Variants in RMND5A observed in about 807,000 individuals in gnomAD.
RMND5A encodes the protein E3 ubiquitin-protein transferase RMND5A.
RMND5A carries 17 observed loss-of-function variants against 49.7 expected under a neutral mutation model. The ratio of observed to expected loss-of-function variants is 0.34; its 90% CI spans 0.23 to 0.51. The LOEUF is 0.51. RMND5A is among the 20% of genes least tolerant of loss of function. RMND5A has a pLI of 0.96. For synonymous variants in RMND5A, 156 were observed against 167.7 expected, an observed-to-expected ratio of 0.93 and a Z score of 0.54; for missense variants, 255 against 471.3, an observed-to-expected ratio of 0.54 and a Z score of 4.25.
chr2:86,769,984 C>T (rs939390068), intron 6 of RMND5A, 39 bp from the exon 7 acceptor site: 10 of 1,493,142 alleles, frequency 6.7e-6, no homozygotes, highest in Non-Finnish European at 9.3e-6. Flanking sequence ...CGGCCTGACC[C>T]CTGGCCTGGC....
intron 4 of RMND5A, among the ~76,000 whole-genome samples, chr2:86,763,928 T>C (rs1672548168): frequency 6.6e-6 from 1 of 152,220 alleles, no homozygotes; most frequent in Non-Finnish European, 1.5e-5. Context: ...TAAAAATCAC[T>C]TTGACTTTGA....
chr2:86,774,636 G>A lies in RMND5A; in HGVS notation c.*1225G>A, dbSNP rs182567565. The A allele has an allele frequency of 6.5e-6, 1 of 152,686 alleles. No individual in the cohort carries two copies. Among genetic ancestry groups the A allele is most frequent in the Non-Finnish European group, 1.5e-5 (1 of 68,038 alleles). 9.5% of individuals were successfully genotyped at this position (152,686 alleles called of 1,614,324 possible). On this transcript the variant is annotated 3_prime_UTR_variant, in exon 9 of 9. Transcript: ENST00000283632. ...CGAACTACATGGAAAAGACTTCTGTGGACATAATTCTGACCGAAACCCATG... is the reference window on the plus strand; with the variant it reads ...CGAACTACATGGAAAAGACTTCTGTAGACATAATTCTGACCGAAACCCATG...
chr2:86,752,395 T>C (rs1681651961), intron 3 of RMND5A, among the ~76,000 whole-genome samples: 1 of 152,244 alleles, frequency 6.6e-6, no homozygotes, highest in Non-Finnish European at 1.5e-5. Flanking sequence ...TGTTCTTCTG[T>C]TCTAGCCCAG....
At position 86,774,441 on chromosome 2, in the gene RMND5A, T is replaced by C. The variant is rs1312433990; in HGVS notation, c.*1030T>C. On this transcript the variant is annotated 3_prime_UTR_variant, in exon 9 of 9. Transcript: ENST00000283632. ...TGCAGAACGTTTATTGCTGTTTTTG[T>C]GTTTGAATAGTATAATGTTTGATGC... 6.6e-6 allele frequency: 1 copy of C among 152,656 alleles called. No individual in the cohort carries two copies. Among genetic ancestry groups the C allele is most frequent in the African/African-American group, 2.4e-5 (1 of 41,456 alleles). The allele number at this position is 152,656 out of a possible 1,614,324, so 9.5% of individuals were successfully genotyped here.
chr2:86,756,770 T>C (rs1681747158), intron 4 of RMND5A, among the ~76,000 whole-genome samples: 1 of 152,196 alleles, frequency 6.6e-6, no homozygotes. Context: ...ATCCCATTTG[T>C]TCCTGCTGGG....
At chr2:86,740,445 G>C (rs201987371) in intron 1 of RMND5A, among the ~76,000 whole-genome samples, 8,464 of 19,038 alleles carry the variant, frequency 0.44, 1,476 homozygotes, top group East Asian at 0.63. Context: ...GACCTGCTGT[G>C]TTAACTCCTT....
At chr2:86,757,831 C>A (rs1330709421) in intron 4 of RMND5A, among the ~76,000 whole-genome samples, 2 of 152,178 alleles carry the variant, frequency 1.3e-5, no homozygotes, top group African/African-American at 4.8e-5. Context: ...ACGATAAAAA[C>A]CTGAATTGCT....
chr2:86,772,208 G>T (rs1672695020), intron 8 of RMND5A, among the ~76,000 whole-genome samples: 1 of 152,194 alleles, frequency 6.6e-6, no homozygotes, highest in Non-Finnish European at 1.5e-5. Flanking sequence ...CCAGCACTGT[G>T]GGAGGCCGAG....
chr2:86,760,094 G>T (rs1045693796), intron 4 of RMND5A, among the ~76,000 whole-genome samples: 6 of 151,682 alleles, frequency 4.0e-5, no homozygotes, highest in Admixed American at 3.9e-4. Context: ...GCCCAGGCTG[G>T]AGTGCAATGG....
chr2:86,765,644 A>T, intron 5 of RMND5A: 1 of 513,940 alleles, frequency 1.9e-6, no homozygotes, highest in Non-Finnish European at 3.5e-6. Context: ...AATTTAAATT[A>T]TAAGTTCAGT....
intron 2 of RMND5A, among the ~76,000 whole-genome samples, chr2:86,741,748 A>T (rs1681450215): frequency 6.6e-6 from 1 of 151,382 alleles, no homozygotes; most frequent in African/African-American, 2.4e-5. Flanking sequence ...GTTCAAGGTT[A>T]CTGTGTGATA....
intron 8 of RMND5A, among the ~76,000 whole-genome samples, chr2:86,772,791 C>T (rs778623236): frequency 6.6e-6 from 1 of 152,054 alleles, no homozygotes; most frequent in Non-Finnish European, 1.5e-5. Flanking sequence ...GACAGGGTTT[C>T]GCCATGTCGC....
At chr2:86,747,480 T>G (rs1373502286) in intron 2 of RMND5A, among the ~76,000 whole-genome samples, 1 of 152,230 alleles carries the variant, frequency 6.6e-6, no homozygotes. Flanking sequence ...CTTACTCTGT[T>G]AAGTATCCTT....
At chr2:86,748,027 C>A (rs913837636) in intron 2 of RMND5A, among the ~76,000 whole-genome samples, 1 of 152,078 alleles carries the variant, frequency 6.6e-6, no homozygotes, top group Non-Finnish European at 1.5e-5. Context: ...CAAAGCTTTT[C>A]TTTGCTTAAA....
chr2:86,756,631 C>T (rs1681745447), intron 4 of RMND5A, among the ~76,000 whole-genome samples: 1 of 152,212 alleles, frequency 6.6e-6, no homozygotes, highest in Non-Finnish European at 1.5e-5. Flanking sequence ...ACTGACTAAG[C>T]ATCTTTCATG....
intron 2 of RMND5A, among the ~76,000 whole-genome samples, chr2:86,745,072 A>G (rs566028282): frequency 2.0e-5 from 3 of 151,962 alleles, no homozygotes; most frequent in East Asian, 3.9e-4. Flanking sequence ...CCATTTTTAG[A>G]TAATCTAGAA....
In RMND5A at chr2:86,763,373, A is replaced by C. The variant is rs150448386; in HGVS notation, c.522-1654A>C. On this transcript the variant is annotated intron_variant, in intron 4 of 8. Coordinates refer to ENST00000283632, the MANE Select transcript of RMND5A (RefSeq NM_022780.4). ...GAAAGTGATCTAATTTAAATGCACT[A>C]CTTGGAACTGGAAATCTGTAAGGTG... 2.0e-3 allele frequency among the ~76,000 whole-genome samples: 309 copies of C among 152,300 alleles called. 2 individuals are homozygous for C. The highest frequency in any genetic ancestry group is 4.6e-3 in the South Asian group (22 of 4,826).
At chr2:86,751,024 C>T (rs960485309) in intron 2 of RMND5A, among the ~76,000 whole-genome samples, 2 of 152,128 alleles carry the variant, frequency 1.3e-5, no homozygotes, top group Non-Finnish European at 2.9e-5. Context: ...GTCTGTTGAT[C>T]ATCTTTTTCC....
chr2:86,777,275 A>T lies in RMND5A; in HGVS notation c.*3864A>T, dbSNP rs1424312058. ...TGGGTGAGGACCTACATACACTCTT[A>T]CTTTAGCAGTCACTTAACCTTCTCC... On this transcript the variant is annotated 3_prime_UTR_variant, in exon 9 of 9. Transcript: ENST00000283632. The T allele has an allele frequency of 1.3e-5, 2 of 152,174 alleles. No individual in the cohort carries two copies. Among genetic ancestry groups the T allele is most frequent in the Admixed American group, 6.5e-5 (1 of 15,280 alleles). The allele number at this position is 152,174 out of a possible 1,614,324, so 9.4% of individuals were successfully genotyped here. A position where few individuals can be genotyped will look rare whatever the true frequency, so the allele number is the denominator to read the frequency against.
Sources: allele counts gnomAD v4.1 joint callset (sites outside exome capture counted in the v4.1 genomes callset), GRCh38; gene constraint gnomAD v4.1.1; transcripts MANE v1.5; gene names NCBI Gene and HGNC (gene_info 2026-07-23, HGNC 2026-07-21).